ZBTB46: variants seen among roughly 807,000 people sequenced by gnomAD.
ZBTB46 encodes zinc finger and BTB domain containing 46, also known as zinc finger and BTB domain-containing protein 46.
Under a neutral mutation model 44.1 loss-of-function variants are expected in ZBTB46, and 8 were observed. That is an observed-to-expected ratio of 0.18 (90% confidence interval 0.11 to 0.33). ZBTB46 has a LOEUF of 0.33. Ranked by LOEUF, ZBTB46 falls within the 10% of genes least tolerant of loss-of-function variation. The pLI is 1.00. For synonymous variants in ZBTB46, 409 were observed against 382.3 expected (o/e 1.07, Z -0.81); for missense variants, 651 against 847.7 (o/e 0.77, Z 2.88).
Position 63,803,582 on chromosome 20 carries a change from T to C in ZBTB46, c.-33-12792A>G, listed in dbSNP as rs1601507434. 4.2e-6 allele frequency: 4 copies of C among 961,430 alleles called. No individual in the cohort carries two copies. The highest frequency in any genetic ancestry group is 4.9e-6 in the Non-Finnish European group (4 of 808,510). The allele number at this position is 961,430 out of a possible 1,614,324, so 59.6% of individuals were successfully genotyped here. ...CTGCCCAGGCCCCGGGCTGCCCAGG[T>C]CTCTGTCGGAGGCCCTGCCAGCCCC... On this transcript the variant is annotated intron_variant, in intron 1 of 4. Coordinates refer to ENST00000245663, the MANE Select transcript of ZBTB46 (RefSeq NM_001369741.1). The surrounding 1 kb of genome is among the most constrained non-coding windows in gnomAD (Gnocchi z 4.0).
At position 63,803,894 on chromosome 20, in the gene ZBTB46, G is replaced by C. The variant is rs147011763; in HGVS notation, c.-33-13104C>G. ...GCTAATTTTTTTGTTTTGTAGAGAC[G>C]GGGTTCTGTCGTGTTGCCCAGGTTG... On this transcript the variant is annotated intron_variant, in intron 1 of 4. Transcript: ENST00000245663. The surrounding 1 kb of genome is among the most constrained non-coding windows in gnomAD (Gnocchi z 4.0). Among the ~76,000 whole-genome samples, 2 of 152,140 alleles carry C rather than the reference G, an allele frequency of 1.3e-5. No individual in the cohort carries two copies. The highest frequency in any genetic ancestry group is 1.3e-4 in the Admixed American group (2 of 15,262).
At chr20:63,763,560 G>A (rs1376048639) in intron 3 of ZBTB46, among the ~76,000 whole-genome samples, 2 of 152,062 alleles carry the variant, frequency 1.3e-5, no homozygotes, top group East Asian at 1.9e-4. Context: ...GCTTTTAATC[G>A]ACCGGATCTT....
chr20:63,774,369 G>A (rs1257379298), intron 3 of ZBTB46, among the ~76,000 whole-genome samples: 1 of 152,204 alleles, frequency 6.6e-6, no homozygotes, highest in Non-Finnish European at 1.5e-5. Flanking sequence ...TTAGAGCAGC[G>A]TAAAGAAACA....
intron 1 of ZBTB46, among the ~76,000 whole-genome samples, chr20:63,794,143 G>A (rs2092583016): frequency 6.7e-6 from 1 of 149,602 alleles, no homozygotes; most frequent in African/African-American, 2.5e-5. Context: ...CTGAGATCGA[G>A]CCACTGCACT....
Position 63,755,614 on chromosome 20 carries a change from G to A in ZBTB46, c.1223-2753C>T, listed in dbSNP as rs149092043. Among the ~76,000 whole-genome samples the A allele has an allele frequency of 3.3e-5, 5 of 152,348 alleles. No homozygotes were observed. In the East Asian group the frequency reaches 7.7e-4, roughly 23 times the overall value. ...CACAAGCTCTGAGGATCAGGACGGAGTGTTCACTGCTCAACCCACGACATT... is the reference window on the plus strand; with the variant it reads ...CACAAGCTCTGAGGATCAGGACGGAATGTTCACTGCTCAACCCACGACATT... On this transcript the variant is annotated intron_variant, in intron 3 of 4. Coordinates refer to ENST00000245663, the MANE Select transcript of ZBTB46 (RefSeq NM_001369741.1).
intron 1 of ZBTB46, among the ~76,000 whole-genome samples, chr20:63,797,762 A>G (rs1271290867): frequency 6.6e-6 from 1 of 152,206 alleles, no homozygotes; most frequent in East Asian, 1.9e-4. Flanking sequence ...AGTGATGATG[A>G]GCAGTTTTTC....
intron 1 of ZBTB46, among the ~76,000 whole-genome samples, chr20:63,802,459 G>A (rs1156479056): frequency 7.0e-6 from 1 of 143,832 alleles, no homozygotes; most frequent in Admixed American, 6.9e-5. Context: ...CCCTAATCCA[G>A]TATGATAAGT....
In ZBTB46 at chr20:63,753,511, G is replaced by A. The variant is rs1222254943; in HGVS notation, c.1223-650C>T. Reference sequence around the variant, plus strand: ...GCCCTGGGGCCAGGCTCAAAAACCTGGGGGACCCTCAGCACGCCCAGTGCC... The same window carrying A: ...GCCCTGGGGCCAGGCTCAAAAACCTAGGGGACCCTCAGCACGCCCAGTGCC... On this transcript the variant is annotated intron_variant, in intron 3 of 4. Coordinates refer to ENST00000245663, the MANE Select transcript of ZBTB46 (RefSeq NM_001369741.1). Among the ~76,000 whole-genome samples the A allele has an allele frequency of 4.6e-5, 7 of 152,316 alleles. No homozygotes were observed. The East Asian group carries it at 5.8e-4, about 13-fold the overall frequency.
At position 63,767,308 on chromosome 20, in the gene ZBTB46, G is replaced by A. The variant is rs73916642; in HGVS notation, c.1222+8370C>T. 3.1e-3 allele frequency among the ~76,000 whole-genome samples: 477 copies of A among 151,708 alleles called. 3 individuals carry two copies. The highest frequency in any genetic ancestry group is 0.011 in the African/African-American group (468 of 41,404). On this transcript the variant is annotated intron_variant, in intron 3 of 4. Coordinates refer to ENST00000245663, the MANE Select transcript of ZBTB46 (RefSeq NM_001369741.1). The surrounding 1 kb of genome is among the most constrained non-coding windows in gnomAD (Gnocchi z 5.0). ...CCCGTCCCCACACATTGGCAATCCC[G>A]TAGGATCTCGGTCATCTGAACCCCG...
At chr20:63,815,486 A>AAG (rs2092744940) in intron 1 of ZBTB46, among the ~76,000 whole-genome samples, 1 of 99,654 alleles carries the variant, frequency 1.0e-5, no homozygotes, top group Admixed American at 1.1e-4. Context: ...AGGTGCAGTG[A>AAG]GTGCAGGTGG....
At chr20:63,779,258 G>A (rs1323557547) in intron 2 of ZBTB46, among the ~76,000 whole-genome samples, 1 of 151,792 alleles carries the variant, frequency 6.6e-6, no homozygotes, top group Non-Finnish European at 1.5e-5. Context: ...TATTTATTTT[G>A]AGACGGAGTT....
chr20:63,809,055 G>A (rs1387039009), intron 1 of ZBTB46, among the ~76,000 whole-genome samples: 1 of 151,950 alleles, frequency 6.6e-6, no homozygotes, highest in Non-Finnish European at 1.5e-5. Flanking sequence ...TAAGACCTGG[G>A]AGCTGGCGGC....
chr20:63,795,997 T>C (rs1452250427), intron 1 of ZBTB46, among the ~76,000 whole-genome samples: 1 of 152,142 alleles, frequency 6.6e-6, no homozygotes, highest in African/African-American at 2.4e-5. Context: ...TCCCACTCAC[T>C]CCAATCCTCT....
At chr20:63,823,691 C>G (rs2092804726) in intron 1 of ZBTB46, among the ~76,000 whole-genome samples, 1 of 151,866 alleles carries the variant, frequency 6.6e-6, no homozygotes, top group South Asian at 2.1e-4. Context: ...GAACGAGGCC[C>G]CTTCTCAAAA....
Position 63,747,109 on chromosome 20 carries a change from C to G in ZBTB46, c.1591G>C (p.Asp531His). 1 of 1,610,080 alleles carries G rather than the reference C, an allele frequency of 6.2e-7. No homozygotes were observed. The highest frequency in any genetic ancestry group is 8.5e-7 in the Non-Finnish European group (1 of 1,179,536). The stretch of plus-strand genomic sequence containing the variant: ...TCAGGGTCCTCCAGATAGGGCCCGT[C>G]GCCTGGGAACAGCGCCTCTGGAGAG... ...EGSPEALFPG[D>H]GPYLEDPEDP... Residue 531 changes from aspartate (D) to histidine (H), a missense_variant, in exon 5 of 5, where the codon GAC (aspartate) becomes CAC (histidine). Physicochemically the swap from Asp to His is moderately conservative, Grantham distance 81 (BLOSUM62 -1). This residue lies in a region of ZBTB46 where 75 missense variants were observed against 107.8 expected (regional missense o/e 0.70). Coordinates refer to ENST00000245663, the MANE Select transcript of ZBTB46 (RefSeq NM_001369741.1).
At chr20:63,795,177 A>G (rs560110162) in intron 1 of ZBTB46, among the ~76,000 whole-genome samples, 29 of 152,292 alleles carry the variant, frequency 1.9e-4, no homozygotes, top group African/African-American at 6.0e-4. Flanking sequence ...CTTTACTTAT[A>G]TATCACGAAT....
intron 3 of ZBTB46, among the ~76,000 whole-genome samples, chr20:63,764,574 T>G (rs1054162428): frequency 2.6e-5 from 4 of 152,048 alleles, no homozygotes; most frequent in African/African-American, 9.7e-5. Flanking sequence ...CCATCACTGT[T>G]GTTCTTCTGA....
chr20:63,759,881 C>T (rs1242397369), intron 3 of ZBTB46, among the ~76,000 whole-genome samples: 1 of 152,168 alleles, frequency 6.6e-6, no homozygotes, highest in Non-Finnish European at 1.5e-5. Flanking sequence ...GTGTTTCCTG[C>T]ATTTATTGAG....
rs1473954697 is a variant in ZBTB46 at position 63,789,996 on chromosome 20, A to G, written c.762T>C (p.Ser254=). ...PSAKDGAVQN[S]FSEQSAGDAW... is the part of the protein sequence containing the mutation. Reference sequence around the variant, plus strand: ...CATCACCAGCACTCTGCTCTGAGAAAGAGTTCTGTACTGCACCGTCCTTGG... The same window carrying G: ...CATCACCAGCACTCTGCTCTGAGAAGGAGTTCTGTACTGCACCGTCCTTGG... Residue 254 remains serine, a synonymous_variant, in exon 2 of 5, where the codon TCT becomes TCC. Transcript: ENST00000245663. 6.2e-7 allele frequency: 1 copy of G among 1,614,012 alleles called. No homozygotes were observed. Among genetic ancestry groups the G allele is most frequent in the Non-Finnish European group, 8.5e-7 (1 of 1,180,052 alleles).
Sources: allele counts gnomAD v4.1 joint callset (sites outside exome capture counted in the v4.1 genomes callset), GRCh38; gene constraint gnomAD v4.1.1; regional missense constraint gnomAD v4.1.1; non-coding constraint Gnocchi (gnomAD v3.1); transcripts MANE v1.5; gene names NCBI Gene and HGNC (gene_info 2026-07-23, HGNC 2026-07-21).